Variants in MAP3K5 observed in about 807,000 individuals in gnomAD.
MAP3K5 encodes the protein ASK-1.
MAP3K5 carries 56 observed loss-of-function variants against 158.7 expected under a neutral mutation model. That is an observed-to-expected ratio of 0.35 (90% CI 0.28 to 0.44). The LOEUF (loss-of-function observed/expected upper bound fraction) is 0.44, where lower values mean the gene tolerates loss of function less well. Among genes scored for constraint, MAP3K5 ranks in the 20% least tolerant of loss-of-function variants. The pLI is 1.00. For synonymous variants in MAP3K5, 579 were observed against 601.7 expected, an observed-to-expected ratio of 0.96 and a Z score of 0.55; for missense variants, 1,294 against 1,674.8, an observed-to-expected ratio of 0.77 and a Z score of 3.97.
intron 18 of MAP3K5, among the ~76,000 whole-genome samples, chr6:136,606,001 A>G (rs1037210952): frequency 2.2e-4 from 34 of 152,206 alleles, no homozygotes; most frequent in African/African-American, 8.2e-4. Context: ...CAGGTTTAAG[A>G]GATCAAAGAC....
intron 26 of MAP3K5, 115 bp from the exon 27 acceptor site, chr6:136,562,730 G>T: frequency 1.9e-6 from 1 of 532,750 alleles, no homozygotes; most frequent in Non-Finnish European, 3.3e-6. Context: ...GAGTGTAGTG[G>T]CCCAATTATA....
intron 1 of MAP3K5, among the ~76,000 whole-genome samples, chr6:136,734,270 A>C (rs1476702459): frequency 6.6e-6 from 1 of 151,912 alleles, no homozygotes; most frequent in Non-Finnish European, 1.5e-5. Flanking sequence ...AATACAAAAA[A>C]TTAGCCAGGT....
In MAP3K5 at chr6:136,752,443, G is replaced by A. The variant is rs138735413; in HGVS notation, c.449-31854C>T. Among the ~76,000 whole-genome samples the A allele has an allele frequency of 2.3e-3, 354 of 152,208 alleles. 9 individuals carry two copies. The South Asian group carries it at 0.033, about 14-fold the overall frequency. Reference sequence around the variant, plus strand: ...TTGTTTGTTTTTAAGATGGAGTCTCGCTCTGTCTTCCAGGCTGGAGTGCAA... The same window carrying A: ...TTGTTTGTTTTTAAGATGGAGTCTCACTCTGTCTTCCAGGCTGGAGTGCAA... On this transcript the variant is annotated intron_variant, in intron 1 of 29. Transcript: ENST00000359015.
intron 1 of MAP3K5, among the ~76,000 whole-genome samples, chr6:136,724,676 A>G (rs1781891636): frequency 6.6e-6 from 1 of 152,242 alleles, no homozygotes; most frequent in African/African-American, 2.4e-5. Flanking sequence ...ATAATTTTAA[A>G]ATACAGTAAT....
intron 21 of MAP3K5, among the ~76,000 whole-genome samples, chr6:136,598,352 T>C (rs1344392690): frequency 2.0e-5 from 3 of 152,222 alleles, no homozygotes; most frequent in Non-Finnish European, 2.9e-5. Flanking sequence ...CTGACTTCAG[T>C]CACTGTCTCT....
At chr6:136,618,234 CTA>C (rs1286620749) in intron 15 of MAP3K5, among the ~76,000 whole-genome samples, 2 of 152,218 alleles carry the variant, frequency 1.3e-5, no homozygotes, top group Non-Finnish European at 2.9e-5. Flanking sequence ...ACTGTAACTG[CTA>C]TCTTTTTCAA....
At chr6:136,774,883 T>C (rs919805926) in intron 1 of MAP3K5, among the ~76,000 whole-genome samples, 16 of 152,380 alleles carry the variant, frequency 1.1e-4, no homozygotes, top group African/African-American at 3.6e-4. Flanking sequence ...GTTTGTCAGA[T>C]GTTTCTAACA....
At chr6:136,655,319 G>A (rs1778695272) in intron 10 of MAP3K5, among the ~76,000 whole-genome samples, 1 of 152,186 alleles carries the variant, frequency 6.6e-6, no homozygotes, top group East Asian at 1.9e-4. Context: ...ATTTTCCTAG[G>A]CTACACATTA....
chr6:136,636,722 T>G (rs1156608043), intron 14 of MAP3K5: 1 of 628,420 alleles, frequency 1.6e-6, no homozygotes, highest in Non-Finnish European at 2.0e-6. Context: ...GTGGGAGGAT[T>G]GCTTGAGCCC....
intron 7 of MAP3K5, among the ~76,000 whole-genome samples, chr6:136,682,972 G>A (rs531907189): frequency 6.6e-6 from 1 of 152,224 alleles, no homozygotes; most frequent in South Asian, 2.1e-4. Flanking sequence ...TAGAACAAGG[G>A]AAATTTAATA....
At position 136,571,967 on chromosome 6, in the gene MAP3K5, C is replaced by T. The variant is rs73554191; in HGVS notation, c.3518-4093G>A. Among the ~76,000 whole-genome samples the T allele has an allele frequency of 2.5e-3, 376 of 152,262 alleles. 1 individual carries two copies. Among genetic ancestry groups the T allele is most frequent in the African/African-American group, 8.6e-3 (357 of 41,556 alleles). ...CTCTACTCTATCTCATCTCTTATTC[C>T]AAAATCCCATTTCTTAATTTATTGA... On this transcript the variant is annotated intron_variant, in intron 25 of 29. Transcript: ENST00000359015.
intron 2 of MAP3K5, among the ~76,000 whole-genome samples, chr6:136,710,612 A>G (rs759014889): frequency 2.0e-5 from 3 of 152,300 alleles, no homozygotes; most frequent in Non-Finnish European, 2.9e-5. Context: ...CCACCACTAG[A>G]AAGTTTTTGT....
At position 136,654,873 on chromosome 6, in the gene MAP3K5, G is replaced by GT. The variant is rs999637591; in HGVS notation, c.1680+1433dup. On this transcript the variant is annotated intron_variant, in intron 10 of 29. Coordinates refer to ENST00000359015, the MANE Select transcript of MAP3K5 (RefSeq NM_005923.4). ...AGTTCCTATTTGGCATGTTCATGGT[G>GT]TTTTTTTTTAATCAAACAAAAATAT... 7.9e-4 allele frequency among the ~76,000 whole-genome samples: 119 copies of GT among 150,556 alleles called. No homozygotes were observed. The Middle Eastern group carries it at 0.01, about 13-fold the overall frequency.
chr6:136,641,485 A>G (rs545602756), intron 12 of MAP3K5, among the ~76,000 whole-genome samples: 3 of 152,078 alleles, frequency 2.0e-5, no homozygotes, highest in Non-Finnish European at 4.4e-5. Flanking sequence ...TAAAGACTTA[A>G]CCACTGACTC....
At chr6:136,775,798 G>T (rs539456925) in intron 1 of MAP3K5, among the ~76,000 whole-genome samples, 2 of 152,156 alleles carry the variant, frequency 1.3e-5, no homozygotes, top group Non-Finnish European at 2.9e-5. Context: ...ATTCTCAAGC[G>T]ATGTCACAAC....
intron 14 of MAP3K5, among the ~76,000 whole-genome samples, chr6:136,624,835 T>C (rs1776961944): frequency 6.6e-6 from 1 of 152,166 alleles, no homozygotes; most frequent in Non-Finnish European, 1.5e-5. Flanking sequence ...ATAAGTTTAA[T>C]GGTCAAGTCA....
chr6:136,785,097 T>C (rs535408751), intron 1 of MAP3K5, among the ~76,000 whole-genome samples: 1 of 152,336 alleles, frequency 6.6e-6, no homozygotes, highest in African/African-American at 2.4e-5. Flanking sequence ...ATATTGAAAG[T>C]AGAAATGCAG....
chr6:136,606,662 C>T (rs1027382039), intron 18 of MAP3K5, among the ~76,000 whole-genome samples: 7 of 152,208 alleles, frequency 4.6e-5, no homozygotes, highest in African/African-American at 1.4e-4. Context: ...ATAATATAGT[C>T]AGCAAACAAG....
intron 1 of MAP3K5, among the ~76,000 whole-genome samples, chr6:136,769,767 GGAAGGAAGGAAGGAAGGAAGGAAGGA>G (rs1188435097): frequency 7.7e-4 from 33 of 42,640 alleles, no homozygotes; most frequent in African/African-American, 1.9e-3. Flanking sequence ...AAGGAAGGAA[GGAAGGAAGGAAGGAAGGAAGGAAGGA>G]AGGGAGGGAG....
Sources: gnomAD v4.1 joint callset for allele counts (sites outside exome capture counted in the v4.1 genomes callset) on GRCh38, gnomAD v4.1.1 for gene constraint, MANE v1.5 for transcripts, NCBI Gene and HGNC (gene_info 2026-07-23, HGNC 2026-07-21) for gene names.